ATP11B: variants seen among roughly 807,000 people sequenced by gnomAD.
ATP11B encodes ATPase phospholipid transporting 11B (putative), also known as phospholipid-transporting ATPase IF.
ATP11B carries 81 observed loss-of-function variants against 157.8 expected under a neutral mutation model. The ratio of observed to expected loss-of-function variants is 0.51; its 90% CI spans 0.43 to 0.62. ATP11B has a LOEUF of 0.62. Among genes scored for constraint, ATP11B ranks in the 20% least tolerant of loss-of-function variants. The pLI, the probability that ATP11B is intolerant of heterozygous loss-of-function variation, is 0.00. For synonymous variants in ATP11B, 451 were observed against 469.4 expected (o/e 0.96, Z 0.51); for missense variants, 1,165 against 1,402.2 (o/e 0.83, Z 2.70).
At chr3:182,805,346 C>T (rs187055726) in intron 1 of ATP11B, among the ~76,000 whole-genome samples, 5 of 152,104 alleles carry the variant, frequency 3.3e-5, no homozygotes, top group East Asian at 1.9e-4. Context: ...TATCTTACTG[C>T]GATTTTGGTT....
chr3:182,842,024 T>A, intron 7 of ATP11B, 51 bp from the exon 8 acceptor site: 1 of 1,113,452 alleles, frequency 9.0e-7, no homozygotes, highest in Non-Finnish European at 1.3e-6. Context: ...AAAACAGCCA[T>A]TGATGTCATA....
intron 2 of ATP11B, among the ~76,000 whole-genome samples, chr3:182,824,061 A>G (rs554206578): frequency 3.8e-4 from 58 of 152,094 alleles, no homozygotes; most frequent in Admixed American, 3.1e-3. Context: ...TTTCTTTTCT[A>G]GAATTTCATA....
At chr3:182,822,577 C>T (rs1717435177) in intron 2 of ATP11B, among the ~76,000 whole-genome samples, 1 of 152,142 alleles carries the variant, frequency 6.6e-6, no homozygotes, top group African/African-American at 2.4e-5. Context: ...GCAGTAAATA[C>T]ACGTGTGCAT....
chr3:182,887,112 C>G (rs539863542), intron 23 of ATP11B, among the ~76,000 whole-genome samples: 1 of 152,110 alleles, frequency 6.6e-6, no homozygotes, highest in Non-Finnish European at 1.5e-5. Context: ...AGCAAGATAT[C>G]GTTAAGGACT....
intron 28 of ATP11B, among the ~76,000 whole-genome samples, chr3:182,906,678 TG>T (rs936534173): frequency 2.0e-5 from 3 of 151,990 alleles, no homozygotes; most frequent in Admixed American, 6.6e-5. Flanking sequence ...CTCAAACTCC[TG>T]GGCTCAAGCG....
At chr3:182,898,579 T>TA (rs1460883704) in intron 27 of ATP11B, 28 bp from the exon 28 acceptor site, 1 of 1,563,502 alleles carries the variant, frequency 6.4e-7, no homozygotes, top group Non-Finnish European at 8.7e-7. Flanking sequence ...GTTTCCACTT[T>TA]TATTAAGCAC....
intron 12 of ATP11B, among the ~76,000 whole-genome samples, chr3:182,864,874 A>G (rs1477306154): frequency 6.6e-6 from 1 of 152,130 alleles, no homozygotes; most frequent in Non-Finnish European, 1.5e-5. Flanking sequence ...AAAGTAATAA[A>G]ATAATTTGTC....
chr3:182,885,834 A>G (rs2108565792), intron 22 of ATP11B, 117 bp from the exon 23 acceptor site: 1 of 598,014 alleles, frequency 1.7e-6, no homozygotes, highest in Non-Finnish European at 2.8e-6. Flanking sequence ...CTTATCCTTT[A>G]CTTACCATAC....
At chr3:182,845,675 C>T (rs1222788883) in intron 9 of ATP11B, among the ~76,000 whole-genome samples, 153 bp downstream of exon 9, 1 of 152,002 alleles carries the variant, frequency 6.6e-6, no homozygotes, top group African/African-American at 2.4e-5. Context: ...TTACAGTAGT[C>T]GTGTATTGAA....
In ATP11B at chr3:182,866,289, T is replaced by G. The variant is rs150138064; in HGVS notation, c.1465T>G (p.Phe489Val). ...TELIKEHDLFFKAVSLCHTVQ... is the reference protein window; with the variant it reads ...TELIKEHDLFVKAVSLCHTVQ... ...ACAGATTAAAGAACATGATCTCTTC[T>G]TTAAAGCAGTCAGTCTCTGTCACAC... Residue 489 changes from phenylalanine (F) to valine (V), a missense_variant, in exon 14 of 30, where the codon TTT (phenylalanine) becomes GTT (valine). Transcript: ENST00000323116. The G allele has an allele frequency of 4.0e-4, 633 of 1,590,004 alleles. 1 individual carries two copies. Among genetic ancestry groups the G allele is most frequent in the Middle Eastern group, 3.5e-3 (21 of 5,964 alleles).
chr3:182,909,320 T>C (rs893206498), intron 28 of ATP11B, among the ~76,000 whole-genome samples: 1 of 152,228 alleles, frequency 6.6e-6, no homozygotes, highest in African/African-American at 2.4e-5. Flanking sequence ...GTTGTTTTGC[T>C]TGACAGCCTT....
At chr3:182,908,043 A>G (rs1474821104) in intron 28 of ATP11B, among the ~76,000 whole-genome samples, 1 of 152,032 alleles carries the variant, frequency 6.6e-6, no homozygotes, top group Non-Finnish European at 1.5e-5. Context: ...TTTCTTCCTC[A>G]CCTAAATTAC....
At position 182,879,652 on chromosome 3, in the gene ATP11B, A is replaced by G; in HGVS notation, c.2406+3A>G. On this transcript the variant is annotated splice_donor_region_variant and intron_variant, in intron 20 of 29. Transcript: ENST00000323116. ...TGGCTCCACTGCAGAAAGCAAAAGT[A>G]TGTATATATGTTATAAAAAAGTCCC... The G allele has an allele frequency of 3.1e-6, 5 of 1,594,808 alleles. No individual in the cohort carries two copies. Among genetic ancestry groups the G allele is most frequent in the Non-Finnish European group, 3.4e-6 (4 of 1,173,282 alleles).
chr3:182,802,134 C>T (rs932046508), intron 1 of ATP11B, among the ~76,000 whole-genome samples: 3 of 152,126 alleles, frequency 2.0e-5, no homozygotes, highest in African/African-American at 4.8e-5. Context: ...GGGAGCAAAT[C>T]GTATCTCCCT....
rs1340287974 is a variant in ATP11B, at chr3:182,920,391, A to G, written c.*2287A>G. The G allele has an allele frequency of 6.6e-6, 1 of 152,244 alleles. No homozygotes were observed. The highest frequency in any genetic ancestry group is 1.5e-5 in the Non-Finnish European group (1 of 68,042). The allele number at this position is 152,244 out of a possible 1,614,324, so 9.4% of individuals were successfully genotyped here. On this transcript the variant is annotated 3_prime_UTR_variant, in exon 30 of 30. Transcript: ENST00000323116. ...GAGTTTTCTATTTATTTAAGAAAGT[A>G]ACAATGCAGTCTGCAAGCTTTCAGT...
chr3:182,881,499 G>A (rs548728178), intron 21 of ATP11B, among the ~76,000 whole-genome samples: 9 of 150,854 alleles, frequency 6.0e-5, no homozygotes, highest in East Asian at 2.0e-4. Flanking sequence ...CCACGATCGC[G>A]CCACTGCACT....
rs142309027 is a variant in ATP11B, at chr3:182,824,223, T to G, written c.144+3847T>G. Among the ~76,000 whole-genome samples the G allele has an allele frequency of 2.0e-5, 3 of 152,372 alleles. No homozygotes were observed. The East Asian group carries it at 5.8e-4, about 29-fold the overall frequency. On this transcript the variant is annotated intron_variant, in intron 2 of 29. Coordinates refer to ENST00000323116, the MANE Select transcript of ATP11B (RefSeq NM_014616.3). ...AGCCTGGAATTGTGTAGTTAATGTT[T>G]TGAATATAAGCCATTTTCTTTGTGT...
At chr3:182,857,311 A>G (rs1026922014) in intron 10 of ATP11B, among the ~76,000 whole-genome samples, 2 of 152,014 alleles carry the variant, frequency 1.3e-5, no homozygotes, top group Admixed American at 1.3e-4. Context: ...ACGCCCAGCT[A>G]ATTTTTTTTG....
At chr3:182,811,854 G>A (rs779155002) in intron 1 of ATP11B, among the ~76,000 whole-genome samples, 16 of 152,146 alleles carry the variant, frequency 1.1e-4, no homozygotes, top group Non-Finnish European at 1.9e-4. Context: ...TTTATGGCAA[G>A]ATGAAAAGTA....
Sources: gnomAD v4.1 joint callset for allele counts (sites outside exome capture counted in the v4.1 genomes callset) on GRCh38, gnomAD v4.1.1 for gene constraint, MANE v1.5 for transcripts, NCBI Gene and HGNC (gene_info 2026-07-23, HGNC 2026-07-21) for gene names.